Variants in NTM observed in about 807,000 individuals in gnomAD.
NTM encodes IgLON family member 2.
NTM carries 13 observed loss-of-function variants against 42.1 expected under a neutral mutation model. The ratio of observed to expected loss-of-function variants is 0.31; its 90% CI spans 0.20 to 0.49. NTM has a LOEUF of 0.49. NTM is among the 20% of genes least tolerant of loss of function. The pLI is 0.99. For missense variants in NTM, 373 were observed against 452.8 expected, an observed-to-expected ratio of 0.82 and a Z score of 1.60; for synonymous variants, 187 against 179.2, an observed-to-expected ratio of 1.04 and a Z score of -0.35.
chr11:131,874,065 A>ATATATATATATC (rs1565659857), intron 1 of NTM, among the ~76,000 whole-genome samples: 4 of 60,196 alleles, frequency 6.6e-5, no homozygotes, highest in African/African-American at 1.7e-4. Context: ...ATATATATAT[A>ATATATATATATC]TATCAGCAAC....
At chr11:131,813,003 G>A (rs569157808) in intron 1 of NTM, among the ~76,000 whole-genome samples, 18 of 152,126 alleles carry the variant, frequency 1.2e-4, no homozygotes, top group Non-Finnish European at 2.5e-4. Flanking sequence ...TTATGACAAC[G>A]TTTCAGTTTT....
intron 1 of NTM, among the ~76,000 whole-genome samples, chr11:131,456,329 G>A (rs1457151183): frequency 6.6e-6 from 1 of 152,222 alleles, no homozygotes; most frequent in Non-Finnish European, 1.5e-5. Flanking sequence ...AATGTTATGT[G>A]TCCTGAGTGC....
chr11:132,123,965 T>A (rs1490972449), intron 2 of NTM, among the ~76,000 whole-genome samples: 1 of 152,156 alleles, frequency 6.6e-6, no homozygotes, highest in African/African-American at 2.4e-5. Context: ...TAGGATCCAG[T>A]GCCTGCTTTG....
chr11:132,316,738 A>G (rs914962333), intron 7 of NTM, among the ~76,000 whole-genome samples: 1 of 152,184 alleles, frequency 6.6e-6, no homozygotes, highest in East Asian at 1.9e-4. Flanking sequence ...TGGAGCTCGC[A>G]AACCCCATTC....
At chr11:132,014,913 A>T (rs2073093827) in intron 2 of NTM, among the ~76,000 whole-genome samples, 1 of 151,418 alleles carries the variant, frequency 6.6e-6, no homozygotes, top group African/African-American at 2.4e-5. Context: ...CCATTTGTCT[A>T]TTTTTGTTTT....
intron 1 of NTM, among the ~76,000 whole-genome samples, chr11:131,455,068 C>T (rs571050089): frequency 4.6e-5 from 7 of 152,152 alleles, no homozygotes; most frequent in South Asian, 4.1e-4. Flanking sequence ...ATTTTGTGTG[C>T]GTGCTGTTCA....
chr11:132,069,299 C>T (rs1281958915), intron 2 of NTM, among the ~76,000 whole-genome samples: 2 of 149,984 alleles, frequency 1.3e-5, no homozygotes, highest in South Asian at 2.1e-4. Flanking sequence ...CAAGTTAACA[C>T]GTCACACTGA....
chr11:131,998,802 C>T (rs903018591), intron 2 of NTM, among the ~76,000 whole-genome samples: 2 of 152,210 alleles, frequency 1.3e-5, no homozygotes, highest in Non-Finnish European at 2.9e-5. Flanking sequence ...CAAGAATGAT[C>T]GGTGGGGATG....
At chr11:131,884,760 T>C (rs2050122066) in intron 1 of NTM, among the ~76,000 whole-genome samples, 1 of 152,206 alleles carries the variant, frequency 6.6e-6, no homozygotes, top group African/African-American at 2.4e-5. Context: ...ACAAATCCCA[T>C]AGGAACTATG....
chr11:131,802,271 T>G (rs998517518), intron 1 of NTM, among the ~76,000 whole-genome samples: 1 of 152,244 alleles, frequency 6.6e-6, no homozygotes, highest in Non-Finnish European at 1.5e-5. Flanking sequence ...TCAGCTTTTC[T>G]CTTGGATTCC....
intron 1 of NTM, among the ~76,000 whole-genome samples, chr11:131,834,815 G>A (rs933718375): frequency 2.6e-5 from 4 of 151,752 alleles, no homozygotes; most frequent in African/African-American, 7.3e-5. Flanking sequence ...CCATAATTTA[G>A]ATCACCCTGC....
At chr11:131,465,982 T>C (rs1591750607) in intron 1 of NTM, among the ~76,000 whole-genome samples, 3 of 152,284 alleles carry the variant, frequency 2.0e-5, no homozygotes, top group Admixed American at 2.0e-4. Context: ...CCCTTCAGGG[T>C]AGAAGCTATC....
intron 1 of NTM, among the ~76,000 whole-genome samples, chr11:131,837,907 T>A (rs777988000): frequency 6.6e-6 from 1 of 152,116 alleles, no homozygotes; most frequent in Non-Finnish European, 1.5e-5. Context: ...TAATACCAGG[T>A]TTTATACTAA....
intron 4 of NTM, among the ~76,000 whole-genome samples, chr11:132,258,083 C>T (rs1591576892): frequency 6.6e-6 from 1 of 152,312 alleles, no homozygotes; most frequent in South Asian, 2.1e-4. Context: ...TGGCTGGGGA[C>T]AGCATGACTC....
chr11:131,622,663 G>A (rs1039910345), intron 1 of NTM, among the ~76,000 whole-genome samples: 1 of 152,246 alleles, frequency 6.6e-6, no homozygotes, highest in East Asian at 1.9e-4. Flanking sequence ...GAAGAAAAAC[G>A]GCGTAAATCT....
At chr11:131,859,030 C>T (rs2046366572) in intron 1 of NTM, among the ~76,000 whole-genome samples, 1 of 152,168 alleles carries the variant, frequency 6.6e-6, no homozygotes, top group Non-Finnish European at 1.5e-5. Flanking sequence ...CACTTCAGCT[C>T]CTAGGAAATC....
At position 132,291,646 on chromosome 11, in the gene NTM, C is replaced by A. The variant is rs2094453797; in HGVS notation, c.527-16043C>A. Among the ~76,000 whole-genome samples the A allele has an allele frequency of 2.0e-5, 3 of 152,148 alleles. No individual in the cohort carries two copies. In the South Asian group the frequency reaches 6.2e-4, roughly 32 times the overall value. On this transcript the variant is annotated intron_variant, in intron 4 of 8. Coordinates refer to ENST00000683400, the MANE Select transcript of NTM (RefSeq NM_001352005.2). ...TACAGTGAGACAAGAATACCTAGAA[C>A]CTAGCCCTGAGGAGAAGCCAGGAAA...
At chr11:131,567,899 A>C (rs982112047) in intron 1 of NTM, among the ~76,000 whole-genome samples, 2 of 152,224 alleles carry the variant, frequency 1.3e-5, no homozygotes, top group African/African-American at 4.8e-5. Flanking sequence ...TTGTAGTGAC[A>C]GAGGTGCAAT....
At chr11:131,802,145 T>C (rs2092169869) in intron 1 of NTM, among the ~76,000 whole-genome samples, 1 of 152,216 alleles carries the variant, frequency 6.6e-6, no homozygotes. Flanking sequence ...CAACTGACAA[T>C]AAAAGACTCC....
Sources: allele counts gnomAD v4.1 joint callset (sites outside exome capture counted in the v4.1 genomes callset), GRCh38; gene constraint gnomAD v4.1.1; transcripts MANE v1.5; gene names NCBI Gene and HGNC (gene_info 2026-07-23, HGNC 2026-07-21).